MOB1A: variants seen among roughly 807,000 people sequenced by gnomAD.
The protein encoded by MOB1A is MOB1 Mps One Binder homolog A.
Under a neutral mutation model 25.1 loss-of-function variants are expected in MOB1A, and 10 were observed. That is an observed-to-expected ratio of 0.40 (90% CI 0.25 to 0.68). The LOEUF (loss-of-function observed/expected upper bound fraction) is 0.68. Ranked by LOEUF, MOB1A falls within the 30% of genes least tolerant of loss-of-function variation. The probability of loss-of-function intolerance (pLI) is 0.40; values close to 1 mark genes in which losing one functional copy is unlikely to be tolerated. For synonymous variants in MOB1A, 81 were observed against 79.5 expected, an observed-to-expected ratio of 1.02 and a Z score of -0.10; for missense variants, 177 against 256.3, an observed-to-expected ratio of 0.69 and a Z score of 2.11.
At chr2:74,159,341 T>A in intron 4 of MOB1A, 87 bp from the exon 5 acceptor site, 1 of 1,213,946 alleles carries the variant, frequency 8.2e-7, no homozygotes, top group Non-Finnish European at 1.2e-6. Flanking sequence ...ACTTTGTCAC[T>A]CAGGCAGTGG....
At chr2:74,158,924 C>T (rs561929937) in intron 5 of MOB1A, 167 bp downstream of exon 5, 1 of 724,108 alleles carries the variant, frequency 1.4e-6, no homozygotes, top group Non-Finnish European at 2.3e-6. Context: ...TATACTGCTG[C>T]ACACATCAAT....
intron 1 of MOB1A, among the ~76,000 whole-genome samples, chr2:74,175,701 C>T (rs115914449): frequency 0.013 from 2,041 of 152,212 alleles, 48 homozygotes; most frequent in African/African-American, 0.046. Flanking sequence ...TATGGTACAT[C>T]CATATCATGG....
At chr2:74,173,801 T>C (rs909604968) in intron 1 of MOB1A, among the ~76,000 whole-genome samples, 12 of 145,764 alleles carry the variant, frequency 8.2e-5, no homozygotes, top group African/African-American at 2.8e-4. Context: ...ATACAAAAAT[T>C]AGCCGGGCGT....
chr2:74,161,428 G>T (rs1294923993), intron 4 of MOB1A, among the ~76,000 whole-genome samples: 2 of 151,084 alleles, frequency 1.3e-5, no homozygotes, highest in African/African-American at 4.9e-5. Context: ...CGGATCATGA[G>T]GTCAGGAGAT....
chr2:74,163,756 T>G (rs1297717458), intron 4 of MOB1A, among the ~76,000 whole-genome samples: 1 of 151,998 alleles, frequency 6.6e-6, no homozygotes, highest in East Asian at 1.9e-4. Flanking sequence ...ATTAAGAAAC[T>G]TGAACAACTG....
At chr2:74,176,713 G>A (rs552235155) in intron 1 of MOB1A, among the ~76,000 whole-genome samples, 32 of 150,278 alleles carry the variant, frequency 2.1e-4, no homozygotes, top group Non-Finnish European at 4.3e-4. Flanking sequence ...ACAGTGAGCC[G>A]AGATTGAGCC....
At chr2:74,174,422 G>A (rs964935429) in intron 1 of MOB1A, among the ~76,000 whole-genome samples, 6 of 152,070 alleles carry the variant, frequency 3.9e-5, no homozygotes, top group South Asian at 4.1e-4. Context: ...ATAGTAAGGC[G>A]GAATGGGGGG....
chr2:74,157,441 GA>G (rs1283177003), intron 5 of MOB1A, among the ~76,000 whole-genome samples: 1 of 152,106 alleles, frequency 6.6e-6, no homozygotes, highest in African/African-American at 2.4e-5. Context: ...GTATTTCCCT[GA>G]GTTCTATAAG....
intron 3 of MOB1A, among the ~76,000 whole-genome samples, chr2:74,165,723 T>C (rs1030796611): frequency 6.6e-6 from 1 of 152,178 alleles, no homozygotes. Context: ...TTTATTATCA[T>C]CAATGGACCC....
At chr2:74,173,894 A>T (rs566864430) in intron 1 of MOB1A, among the ~76,000 whole-genome samples, 1 of 139,336 alleles carries the variant, frequency 7.2e-6, no homozygotes, top group South Asian at 2.4e-4. Flanking sequence ...GCTTGCAGTG[A>T]GTCGAGATCG....
chr2:74,168,474 C>T (rs1232151216), intron 2 of MOB1A, among the ~76,000 whole-genome samples: 1 of 152,092 alleles, frequency 6.6e-6, no homozygotes, highest in Non-Finnish European at 1.5e-5. Flanking sequence ...ACCCCGGTCT[C>T]TATTGAAAAT....
At position 74,178,843 on chromosome 2, in the gene MOB1A, C is replaced by T. The variant is rs528198626; in HGVS notation, c.-169G>A. On this transcript the variant is annotated 5_prime_UTR_variant, in exon 1 of 6. Transcript: ENST00000396049. ...GCGAGCCTTTGCAAACCTCGGCGCC[C>T]GCCTTGCCCGCCTACCCCACCTCGC... 6 of 400,788 alleles carry T rather than the reference C, an allele frequency of 1.5e-5. No individual in the cohort carries two copies. Among genetic ancestry groups the T allele is most frequent in the African/African-American group, 1.2e-4 (6 of 48,546 alleles). The allele number at this position is 400,788 out of a possible 1,614,324, so 24.8% of individuals were successfully genotyped here.
At position 74,152,572 on chromosome 2, in the gene MOB1A, A is replaced by G. The variant is rs996925725; in HGVS notation, c.*3996T>C. ...TATATTTAAATAGAAATGTGTGTTG[A>G]TATACATACTTTAATCAGTCATTTC... On this transcript the variant is annotated 3_prime_UTR_variant, in exon 6 of 6. Coordinates refer to ENST00000396049, the MANE Select transcript of MOB1A (RefSeq NM_018221.5). The G allele has an allele frequency of 1.3e-5, 2 of 152,244 alleles. No individual in the cohort carries two copies. Among genetic ancestry groups the G allele is most frequent in the African/African-American group, 4.8e-5 (2 of 41,462 alleles). The allele number at this position is 152,244 out of a possible 1,614,324, so 9.4% of individuals were successfully genotyped here.
chr2:74,178,524 C>A (rs2103759721), intron 1 of MOB1A, 137 bp downstream of exon 1: 1 of 536,980 alleles, frequency 1.9e-6, no homozygotes, highest in South Asian at 6.2e-5. Flanking sequence ...CCCCGCGGAC[C>A]CGAACAGAGG....
intron 1 of MOB1A, among the ~76,000 whole-genome samples, chr2:74,173,847 G>A (rs1271774026): frequency 2.0e-5 from 3 of 150,672 alleles, no homozygotes; most frequent in Non-Finnish European, 4.4e-5. Context: ...TACACGGGAG[G>A]CTGAGGCAGG....
chr2:74,177,695 A>G (rs907740261), intron 1 of MOB1A, among the ~76,000 whole-genome samples: 3 of 152,208 alleles, frequency 2.0e-5, no homozygotes, highest in Non-Finnish European at 4.4e-5. Flanking sequence ...TAGTGTTTTT[A>G]TATTGTATTT....
chr2:74,158,196 A>AAAG (rs138291009), intron 5 of MOB1A, among the ~76,000 whole-genome samples: 1 of 119,344 alleles, frequency 8.4e-6, no homozygotes, highest in African/African-American at 3.1e-5. Flanking sequence ...AAAAAAAAAG[A>AAAG]GGGGGGAAAA....
chr2:74,178,608 T>TC (rs1693547223), intron 1 of MOB1A, 53 bp downstream of exon 1: 4 of 1,326,066 alleles, frequency 3.0e-6, no homozygotes, highest in African/African-American at 1.6e-5. Context: ...CGGGGAGGCC[T>TC]CCCCCACAAC....
intron 3 of MOB1A, 41 bp downstream of exon 3, chr2:74,166,973 A>C: frequency 7.2e-7 from 1 of 1,387,660 alleles, no homozygotes; most frequent in Non-Finnish European, 1.0e-6. Flanking sequence ...GTGATAAAGT[A>C]AAACTAATCC....
Sources: gnomAD v4.1 joint callset for allele counts (sites outside exome capture counted in the v4.1 genomes callset) on GRCh38, gnomAD v4.1.1 for gene constraint, MANE v1.5 for transcripts, NCBI Gene and HGNC (gene_info 2026-07-23, HGNC 2026-07-21) for gene names.